The following SLC22A2 variants were observed in gnomAD, a reference collection of about 807,000 sequenced individuals.
SLC22A2 encodes the protein organic cation transporter 2.
Under a neutral mutation model 60.5 loss-of-function variants are expected in SLC22A2, and 46 were observed. The ratio of observed to expected loss-of-function variants is 0.76; its 90% CI spans 0.60 to 0.97. The LOEUF (loss-of-function observed/expected upper bound fraction) is 0.97, where lower values mean the gene tolerates loss of function less well. SLC22A2 is among the 50% of genes least tolerant of loss of function. The pLI is 0.00. For missense variants in SLC22A2, 701 were observed against 706.6 expected (o/e 0.99, Z 0.09); for synonymous variants, 303 against 267.0 (o/e 1.13, Z -1.31).
chr6:160,233,135 C>T (rs916648690), intron 9 of SLC22A2, among the ~76,000 whole-genome samples: 3 of 151,986 alleles, frequency 2.0e-5, no homozygotes, highest in Admixed American at 1.3e-4. Context: ...TTTGCCCTGC[C>T]CAGGACTGGC....
At position 160,237,571 on chromosome 6, in the gene SLC22A2, C is replaced by T. The variant is rs1293620540; in HGVS notation, c.1501+3903G>A. Among the ~76,000 whole-genome samples, 12 of 152,142 alleles carry T rather than the reference C, an allele frequency of 7.9e-5. No individual in the cohort carries two copies. In the East Asian group the frequency reaches 1.7e-3, roughly 22 times the overall value. On this transcript the variant is annotated intron_variant, in intron 9 of 10. Transcript: ENST00000366953. ...TAATACTTAATCAGAAATATCATCA[C>T]CCTTAATCAGAATGAAAAAGTTACA...
At chr6:160,241,387 G>T in intron 9 of SLC22A2, 87 bp downstream of exon 9, 1 of 800,934 alleles carries the variant, frequency 1.2e-6, no homozygotes, top group South Asian at 1.5e-5. Flanking sequence ...TAATAGGCAT[G>T]ACACCTGTTT....
In SLC22A2 at chr6:160,241,505, G is replaced by A. The variant is rs765845690; in HGVS notation, c.1470C>T (p.Asn490=). Residue 490 remains asparagine, a synonymous_variant, in exon 9 of 11, where the codon AAC becomes AAT. Coordinates refer to ENST00000366953, the MANE Select transcript of SLC22A2 (RefSeq NM_003058.4). ...ITPFLVYRLT[N]IWLELPLMVF... is the part of the protein sequence containing the mutation. Reference sequence around the variant, plus strand: ...CCATCAGCGGGAGCTCAAGCCAGATGTTAGTGAGCCGGTAGACCAGGAATG... The same window carrying A: ...CCATCAGCGGGAGCTCAAGCCAGATATTAGTGAGCCGGTAGACCAGGAATG... The A allele has an allele frequency of 6.0e-5, 97 of 1,613,310 alleles. No individual in the cohort carries two copies. Among genetic ancestry groups the A allele is most frequent in the South Asian group, 3.1e-4 (28 of 91,062 alleles).
chr6:160,243,531 A>C, intron 7 of SLC22A2, 41 bp downstream of exon 7: 1 of 1,385,310 alleles, frequency 7.2e-7, no homozygotes, highest in Non-Finnish European at 1.0e-6. Context: ...CCCTTTCTCC[A>C]GGGTCTTGGA....
At chr6:160,256,574 T>C in intron 2 of SLC22A2, 40 bp downstream of exon 2, 1 of 1,425,432 alleles carries the variant, frequency 7.0e-7, no homozygotes. Flanking sequence ...CTCCAAACCT[T>C]TGGGATTGTT....
chr6:160,254,029 G>A (rs1783228559), intron 2 of SLC22A2, among the ~76,000 whole-genome samples: 1 of 152,176 alleles, frequency 6.6e-6, no homozygotes, highest in Non-Finnish European at 1.5e-5. Flanking sequence ...TATAATCCCA[G>A]CACTTTGGGA....
chr6:160,217,319 C>A lies in SLC22A2; in HGVS notation c.*113G>T. The stretch of plus-strand genomic sequence containing the variant: ...TGGCTGTAGACCTAGGTTGATAGGG[C>A]TCAGGGGTAAGTTTGGTTGAGTTGT... On this transcript the variant is annotated 3_prime_UTR_variant, in exon 11 of 11. Transcript: ENST00000366953. 3.1e-6 allele frequency: 2 copies of A among 643,442 alleles called. No homozygotes were observed. The highest frequency in any genetic ancestry group is 2.2e-5 in the South Asian group (1 of 46,134). 39.9% of individuals were successfully genotyped at this position (643,442 alleles called of 1,614,324 possible). A position where few individuals can be genotyped will look rare whatever the true frequency, so the allele number is the denominator to read the frequency against.
chr6:160,240,322 G>T (rs940842679), intron 9 of SLC22A2, among the ~76,000 whole-genome samples: 1 of 152,172 alleles, frequency 6.6e-6, no homozygotes, highest in Non-Finnish European at 1.5e-5. Flanking sequence ...TGGGAGTAAA[G>T]AAAAGAATCA....
At chr6:160,219,091 AATAAC>A (rs1782597650) in intron 10 of SLC22A2, among the ~76,000 whole-genome samples, 1 of 151,334 alleles carries the variant, frequency 6.6e-6, no homozygotes. Flanking sequence ...CATCAGCAAC[AATAAC>A]AGCAACAGAA....
At chr6:160,217,525 G>C in intron 10 of SLC22A2, 27 bp from the exon 11 acceptor site, 1 of 1,322,244 alleles carries the variant, frequency 7.6e-7, no homozygotes. Context: ...AAATGGAGAG[G>C]GGAGAAAGAA....
chr6:160,242,127 G>A (rs1021912001), intron 8 of SLC22A2, among the ~76,000 whole-genome samples, 167 bp downstream of exon 8: 1 of 152,136 alleles, frequency 6.6e-6, no homozygotes, highest in African/African-American at 2.4e-5. Context: ...ACCCCAGCCT[G>A]TAAGTGTGAG....
rs759789804 is a variant in SLC22A2, at chr6:160,243,761, C to A, written c.1090G>T (p.Gly364Cys). 3 of 1,613,616 alleles carry A rather than the reference C, an allele frequency of 1.9e-6. No homozygotes were observed. The highest frequency in any genetic ancestry group is 2.5e-6 in the Non-Finnish European group (3 of 1,179,844). The change falls in exon 7 of 11, where the codon GGC (glycine) becomes TGC (cysteine). Residue 364 changes from glycine (G) to cysteine (C), a missense_variant. Physicochemically the swap from Gly to Cys is radical, Grantham distance 159. Coordinates refer to ENST00000366953, the MANE Select transcript of SLC22A2 (RefSeq NM_003058.4). ...NWFTSSVLYQ[G>C]LIMHMGLAGD... ...GCAAGGCCCATGTGCATGATGAGGCCCTGGTAGAGCACAGAGCTCGTGAAC... is the reference window on the plus strand; with the variant it reads ...GCAAGGCCCATGTGCATGATGAGGCACTGGTAGAGCACAGAGCTCGTGAAC...
intron 2 of SLC22A2, among the ~76,000 whole-genome samples, 164 bp downstream of exon 2, chr6:160,256,450 A>G (rs1398747216): frequency 2.6e-5 from 4 of 152,356 alleles, no homozygotes; most frequent in African/African-American, 9.6e-5. Context: ...ATGGTTATCC[A>G]AGCAGCAGAA....
chr6:160,234,982 GCA>G (rs1192658911), intron 9 of SLC22A2, among the ~76,000 whole-genome samples: 2 of 152,160 alleles, frequency 1.3e-5, no homozygotes, highest in African/African-American at 4.8e-5. Flanking sequence ...CGGCTGTTTG[GCA>G]TGGCTAAAGT....
At chr6:160,241,336 C>T (rs1015658749) in intron 9 of SLC22A2, 138 bp downstream of exon 9, 2 of 598,902 alleles carry the variant, frequency 3.3e-6, no homozygotes, top group Non-Finnish European at 6.0e-6. Flanking sequence ...ACGCAAGCCA[C>T]AGACACATCA....
At chr6:160,258,282 G>C (rs1185890053) in intron 1 of SLC22A2, 62 bp downstream of exon 1, 1 of 1,523,446 alleles carries the variant, frequency 6.6e-7, no homozygotes, top group East Asian at 2.3e-5. Context: ...TTCCCTGCTT[G>C]CTTCCTTGAG....
In SLC22A2 at chr6:160,258,736, C is replaced by A; in HGVS notation, c.22G>T (p.Val8Phe). The A allele has an allele frequency of 6.4e-7, 1 of 1,571,838 alleles. No individual in the cohort carries two copies. The highest frequency in any genetic ancestry group is 8.6e-7 in the Non-Finnish European group (1 of 1,157,216). ...TGAAACTCCCCTCCATGCTCCAGGACATCGTCCACGGTGGTGGGCATGATC... is the reference window on the plus strand; with the variant it reads ...TGAAACTCCCCTCCATGCTCCAGGAAATCGTCCACGGTGGTGGGCATGATC... MPTTVDD[V>F]LEHGGEFHFF... The change falls in exon 1 of 11, where the codon GTC becomes TTC. Residue 8 changes from valine to phenylalanine, a missense_variant. Transcript: ENST00000366953.
intron 9 of SLC22A2, among the ~76,000 whole-genome samples, chr6:160,228,773 C>G (rs190181236): frequency 6.6e-6 from 1 of 152,022 alleles, no homozygotes; most frequent in East Asian, 1.9e-4. Context: ...CCTGACTTAA[C>G]TGATGACATT....
intron 10 of SLC22A2, among the ~76,000 whole-genome samples, chr6:160,222,444 G>A (rs371641984): frequency 9.8e-5 from 15 of 152,324 alleles, no homozygotes; most frequent in South Asian, 6.2e-4. Flanking sequence ...TGGCACTGGC[G>A]CTGGCTAGAG....
Sources: allele counts gnomAD v4.1 joint callset (sites outside exome capture counted in the v4.1 genomes callset), GRCh38; gene constraint gnomAD v4.1.1; transcripts MANE v1.5; gene names NCBI Gene and HGNC (gene_info 2026-07-23, HGNC 2026-07-21).